Variants in TSPAN8 observed in about 807,000 individuals in gnomAD.
TSPAN8 encodes the protein tetraspanin 8.
TSPAN8 carries 21 observed loss-of-function variants against 32.8 expected under a neutral mutation model. The observed-to-expected ratio is 0.64, with a 90% CI of 0.45 to 0.92. The LOEUF is 0.92. Ranked by LOEUF, TSPAN8 falls within the 40% of genes least tolerant of loss-of-function variation. The probability of loss-of-function intolerance (pLI) is 0.00; values close to 1 mark genes in which losing one functional copy is unlikely to be tolerated. For synonymous variants in TSPAN8, 95 were observed against 94.6 expected (o/e 1.00, Z -0.03); for missense variants, 269 against 281.9 (o/e 0.95, Z 0.33).
At chr12:71,144,579 C>T (rs1265695584) in intron 2 of TSPAN8, among the ~76,000 whole-genome samples, 1 of 152,058 alleles carries the variant, frequency 6.6e-6, no homozygotes, top group Non-Finnish European at 1.5e-5. Context: ...CTTATCATGC[C>T]TCTGGGCTTG....
At chr12:71,140,238 A>C (rs1294259716) in intron 3 of TSPAN8, among the ~76,000 whole-genome samples, 2 of 152,224 alleles carry the variant, frequency 1.3e-5, no homozygotes, top group African/African-American at 4.8e-5. Flanking sequence ...CAAGCTCTTT[A>C]AACTATTGAT....
At position 71,139,882 on chromosome 12, in the gene TSPAN8, T is replaced by G. The variant is rs779472329; in HGVS notation, c.124-34A>C. 13 of 1,596,814 alleles carry G rather than the reference T, an allele frequency of 8.1e-6. No individual in the cohort carries two copies. The South Asian group carries it at 1.3e-4, about 16-fold the overall frequency. On this transcript the variant is annotated intron_variant, in intron 3 of 8. Coordinates refer to ENST00000247829, the MANE Select transcript of TSPAN8 (RefSeq NM_004616.3). ...AAAAAGAGATTAATGGCAGAAAATT[T>G]ATTTCCTTGAAGTTTATTTTGCTCA... is the stretch of plus-strand genomic sequence containing the variant.
rs1253185801 is a variant in TSPAN8, at chr12:71,157,981, T to C, written c.-161A>G. ...CCAGGCAAGTATGTTCCTTTGCTTG[T>C]CATAGCTCCTGGGGCACTGGGCCAG... is the stretch of plus-strand genomic sequence containing the variant. On this transcript the variant is annotated 5_prime_UTR_variant, in exon 1 of 9. Transcript: ENST00000247829. 3.0e-6 allele frequency: 1 copy of C among 336,486 alleles called. No individual in the cohort carries two copies. Among genetic ancestry groups the C allele is most frequent in the Non-Finnish European group, 5.5e-6 (1 of 182,770 alleles). The allele number at this position is 336,486 out of a possible 1,614,324, so 20.8% of individuals were successfully genotyped here.
Position 71,144,223 on chromosome 12 carries a change from A to G in TSPAN8, c.61-10T>C. ...TCAAGATACCACATAGCTGCAGAAAAAAACAAACAAACAAAAAGAATACAA... is the reference window on the plus strand; with the variant it reads ...TCAAGATACCACATAGCTGCAGAAAGAAACAAACAAACAAAAAGAATACAA... On this transcript the variant is annotated splice_polypyrimidine_tract_variant and intron_variant, in intron 2 of 8. Transcript: ENST00000247829. 6.2e-7 allele frequency: 1 copy of G among 1,608,818 alleles called. No homozygotes were observed. Among genetic ancestry groups the G allele is most frequent in the Non-Finnish European group, 8.5e-7 (1 of 1,178,782 alleles).
At chr12:71,126,485 C>G (rs1381887033) in intron 8 of TSPAN8, among the ~76,000 whole-genome samples, 2 of 151,786 alleles carry the variant, frequency 1.3e-5, no homozygotes, top group Admixed American at 6.6e-5. Context: ...GAAATAGAAG[C>G]CGTCAATTTA....
intron 2 of TSPAN8, among the ~76,000 whole-genome samples, chr12:71,150,801 C>T (rs1347931609): frequency 6.6e-6 from 1 of 152,152 alleles, no homozygotes. Context: ...GAATAATTCT[C>T]ATGAGATCTG....
intron 3 of TSPAN8, among the ~76,000 whole-genome samples, chr12:71,143,415 T>C (rs529986718): frequency 1.3e-5 from 2 of 152,226 alleles, no homozygotes; most frequent in South Asian, 4.2e-4. Context: ...TGGGGTCCAA[T>C]AGCTGGAGCC....
At chr12:71,141,969 G>A (rs1299387145) in intron 3 of TSPAN8, among the ~76,000 whole-genome samples, 1 of 152,040 alleles carries the variant, frequency 6.6e-6, no homozygotes, top group African/African-American at 2.4e-5. Context: ...AGTTTATCCT[G>A]AGGTAGAAAA....
intron 2 of TSPAN8, among the ~76,000 whole-genome samples, chr12:71,154,092 T>C (rs1459252214): frequency 2.6e-5 from 4 of 152,024 alleles, no homozygotes; most frequent in African/African-American, 7.2e-5. Flanking sequence ...ATGGATCACC[T>C]GAGGTCAGGA....
At chr12:71,155,624 C>T (rs1298221858) in intron 2 of TSPAN8, among the ~76,000 whole-genome samples, 2 of 152,008 alleles carry the variant, frequency 1.3e-5, no homozygotes, top group Non-Finnish European at 2.9e-5. Flanking sequence ...GAAATTTCAG[C>T]CCTGAATGGG....
intron 6 of TSPAN8, among the ~76,000 whole-genome samples, chr12:71,137,615 G>A (rs1180281899): frequency 6.6e-6 from 1 of 151,898 alleles, no homozygotes; most frequent in East Asian, 1.9e-4. Flanking sequence ...AAAAAAAAGG[G>A]GGAGAGAGAG....
chr12:71,142,072 C>G (rs751445861), intron 3 of TSPAN8, among the ~76,000 whole-genome samples: 2 of 152,206 alleles, frequency 1.3e-5, no homozygotes, highest in South Asian at 4.1e-4. Context: ...CCTTCCAAAA[C>G]AGCTACCTCT....
At chr12:71,157,862 CCACA>C (rs1477253510) in intron 1 of TSPAN8, 64 bp downstream of exon 1, 5 of 571,692 alleles carry the variant, frequency 8.7e-6, no homozygotes, top group Non-Finnish European at 1.6e-5. Flanking sequence ...AAAAATTAAC[CCACA>C]CATTTAAATA....
chr12:71,130,092 G>A (rs1465397159), intron 7 of TSPAN8, among the ~76,000 whole-genome samples: 6 of 151,814 alleles, frequency 4.0e-5, no homozygotes, highest in South Asian at 2.1e-4. Flanking sequence ...AGCTGAGACT[G>A]CAGGCATGTG....
intron 2 of TSPAN8, among the ~76,000 whole-genome samples, chr12:71,153,731 G>A (rs991090031): frequency 8.5e-5 from 13 of 152,118 alleles, no homozygotes; most frequent in African/African-American, 3.1e-4. Flanking sequence ...AGTAGATATA[G>A]GAACCTTTCC....
intron 2 of TSPAN8, among the ~76,000 whole-genome samples, chr12:71,148,097 T>G (rs1872132815): frequency 6.6e-6 from 1 of 152,212 alleles, no homozygotes; most frequent in Non-Finnish European, 1.5e-5. Context: ...CCAATCTACA[T>G]TTGAGATAAT....
intron 5 of TSPAN8, 28 bp from the exon 6 acceptor site, chr12:71,138,088 T>C (rs1191691900): frequency 6.2e-7 from 1 of 1,612,368 alleles, no homozygotes; most frequent in African/African-American, 1.3e-5. Context: ...TTTTACATTA[T>C]TCACGCCACA....
At chr12:71,144,299 A>T in intron 2 of TSPAN8, 86 bp from the exon 3 acceptor site, 1 of 1,226,108 alleles carries the variant, frequency 8.2e-7, no homozygotes, top group Non-Finnish European at 1.2e-6. Context: ...ATCCGGTGAC[A>T]GTAGTTCATC....
At position 71,132,795 on chromosome 12, in the gene TSPAN8, A is replaced by T; in HGVS notation, c.474T>A (p.Ala158=). The T allele has an allele frequency of 1.9e-6, 3 of 1,614,026 alleles. No homozygotes were observed. Among genetic ancestry groups the T allele is most frequent in the Non-Finnish European group, 2.5e-6 (3 of 1,179,960 alleles). The change falls in exon 7 of 9, where the codon GCT becomes GCA. Residue 158 remains alanine (A), a synonymous_variant. Transcript: ENST00000247829. ...GTTGAAAATTATTTCCCCAATCAGC[A>T]GCTCCATTGACCAAACCGCAGCATT... The part of the protein sequence containing the change: ...EFKCCGLVNG[A]ADWGNNFQHY...
Sources: gnomAD v4.1 joint callset for allele counts (sites outside exome capture counted in the v4.1 genomes callset) on GRCh38, gnomAD v4.1.1 for gene constraint, MANE v1.5 for transcripts, NCBI Gene and HGNC (gene_info 2026-07-23, HGNC 2026-07-21) for gene names.